TBC1D22A: variants seen among roughly 807,000 people sequenced by gnomAD.
TBC1D22A encodes putative GTPase activator.
Under a neutral mutation model 60.2 loss-of-function variants are expected in TBC1D22A, and 38 were observed. The ratio of observed to expected loss-of-function variants is 0.63; its 90% CI spans 0.49 to 0.83. The LOEUF (loss-of-function observed/expected upper bound fraction) is 0.83, where lower values mean the gene tolerates loss of function less well. Ranked by LOEUF, TBC1D22A falls within the 40% of genes least tolerant of loss-of-function variation. The probability of loss-of-function intolerance (pLI) is 0.00; values close to 1 mark genes in which losing one functional copy is unlikely to be tolerated. For missense variants in TBC1D22A, 628 were observed against 701.0 expected, an observed-to-expected ratio of 0.90 and a Z score of 1.18; for synonymous variants, 302 against 281.7, an observed-to-expected ratio of 1.07 and a Z score of -0.72.
chr22:46,868,428 C>T (rs149643652), intron 4 of TBC1D22A, among the ~76,000 whole-genome samples: 53 of 152,242 alleles, frequency 3.5e-4, no homozygotes, highest in African/African-American at 1.2e-3. Flanking sequence ...TAGGTCTCAT[C>T]CCCAAGATAT....
At chr22:47,088,292 C>T (rs925989363) in intron 11 of TBC1D22A, among the ~76,000 whole-genome samples, 1 of 152,026 alleles carries the variant, frequency 6.6e-6, no homozygotes, top group Non-Finnish European at 1.5e-5. Context: ...TGTTTGATGC[C>T]AGAAAATGTT....
At chr22:46,941,878 AATATGTATAGAAT>A (rs1406385147) in intron 8 of TBC1D22A, among the ~76,000 whole-genome samples, 1 of 147,674 alleles carries the variant, frequency 6.8e-6, no homozygotes, top group Admixed American at 6.8e-5. Flanking sequence ...ATGTGTATAG[AATATGTATAGAAT>A]ATATGTATAT....
intron 11 of TBC1D22A, among the ~76,000 whole-genome samples, chr22:47,044,082 C>T (rs1045248713): frequency 3.6e-5 from 4 of 111,206 alleles, no homozygotes; most frequent in African/African-American, 1.1e-4. Flanking sequence ...TCGCTGAGGC[C>T]GTGCTGCCTG....
chr22:47,075,717 A>G (rs950240965), intron 11 of TBC1D22A, among the ~76,000 whole-genome samples: 1 of 152,228 alleles, frequency 6.6e-6, no homozygotes, highest in African/African-American at 2.4e-5. Flanking sequence ...TTATTTAAAT[A>G]AATGTAAATG....
intron 12 of TBC1D22A, among the ~76,000 whole-genome samples, chr22:47,120,391 C>T (rs1402867027): frequency 6.6e-6 from 1 of 152,212 alleles, no homozygotes; most frequent in East Asian, 1.9e-4. Flanking sequence ...GCGAAGGCTC[C>T]TTGTCCTCTC....
chr22:46,851,756 A>G (rs959551136), intron 4 of TBC1D22A, among the ~76,000 whole-genome samples: 10 of 152,258 alleles, frequency 6.6e-5, no homozygotes, highest in African/African-American at 2.2e-4. Flanking sequence ...AGTGACCTCC[A>G]TAGCTCTTTG....
At chr22:47,134,111 G>A (rs1279658982) in intron 12 of TBC1D22A, among the ~76,000 whole-genome samples, 1 of 152,196 alleles carries the variant, frequency 6.6e-6, no homozygotes, top group African/African-American at 2.4e-5. Context: ...CTCTTCCCTT[G>A]CACGTTTCTG....
chr22:46,922,875 A>G (rs1318589377), intron 8 of TBC1D22A, among the ~76,000 whole-genome samples: 1 of 152,142 alleles, frequency 6.6e-6, no homozygotes, highest in African/African-American at 2.4e-5. Flanking sequence ...TTGATTGCAA[A>G]CACTTTTATT....
chr22:46,913,592 T>G (rs1602455874), intron 8 of TBC1D22A: 3 of 1,161,890 alleles, frequency 2.6e-6, no homozygotes, highest in Non-Finnish European at 3.2e-6. Flanking sequence ...CTCCTGAGGG[T>G]GCTTGCTTTT....
At position 46,893,010 on chromosome 22, in the gene TBC1D22A, G is replaced by A. The variant is rs557585372; in HGVS notation, c.837+1616G>A. On this transcript the variant is annotated intron_variant, in intron 6 of 12. Coordinates refer to ENST00000337137, the MANE Select transcript of TBC1D22A (RefSeq NM_014346.5). ...TCAGGCAGAGCTGGGCCCGGTGGGGGTTTGGAGACCTTGGTTTCTCCTTTA... is the reference window on the plus strand; with the variant it reads ...TCAGGCAGAGCTGGGCCCGGTGGGGATTTGGAGACCTTGGTTTCTCCTTTA... 5.9e-5 allele frequency among the ~76,000 whole-genome samples: 9 copies of A among 152,350 alleles called. No homozygotes were observed. In the South Asian group the frequency reaches 1.9e-3, roughly 32 times the overall value.
chr22:47,010,579 C>T lies in TBC1D22A; in HGVS notation c.1201+12870C>T, dbSNP rs769494849. Among the ~76,000 whole-genome samples, 11 of 152,292 alleles carry T rather than the reference C, an allele frequency of 7.2e-5. No homozygotes were observed. The East Asian group carries it at 2.1e-3, about 29-fold the overall frequency. On this transcript the variant is annotated intron_variant, in intron 10 of 12. Transcript: ENST00000337137. ...AGAGTCTTGGTCCCCTTCTGCTTAG[C>T]AGGTCTTCACAGTTGAACATGGCTG...
At chr22:46,941,579 CA>C (rs2072095366) in intron 8 of TBC1D22A, among the ~76,000 whole-genome samples, 2 of 137,998 alleles carry the variant, frequency 1.4e-5, no homozygotes, top group African/African-American at 5.3e-5. Context: ...AATATATATA[CA>C]GGGAATATAT....
chr22:47,116,090 C>T (rs911284180), intron 12 of TBC1D22A: 5 of 152,304 alleles, frequency 3.3e-5, no homozygotes, highest in African/African-American at 7.2e-5. Context: ...CCCATCCTCG[C>T]CAGCTTCCCC....
At chr22:47,163,174 G>A (rs980288161) in intron 12 of TBC1D22A, among the ~76,000 whole-genome samples, 7 of 152,076 alleles carry the variant, frequency 4.6e-5, no homozygotes, top group Non-Finnish European at 7.4e-5. Flanking sequence ...GCCCCTGGCT[G>A]CCCCACCCAG....
intron 11 of TBC1D22A, among the ~76,000 whole-genome samples, chr22:47,095,455 G>T (rs2065135372): frequency 6.6e-6 from 1 of 152,200 alleles, no homozygotes; most frequent in Admixed American, 6.5e-5. Flanking sequence ...TTGTTTCTTT[G>T]CCTTAGTTCC....
At chr22:47,105,109 C>G (rs899952126) in intron 11 of TBC1D22A, among the ~76,000 whole-genome samples, 1 of 151,924 alleles carries the variant, frequency 6.6e-6, no homozygotes, top group Admixed American at 6.6e-5. Context: ...CAGAATAAAT[C>G]TCTTTAAATA....
At chr22:46,899,973 G>A (rs1431039933) in intron 7 of TBC1D22A, among the ~76,000 whole-genome samples, 2 of 152,016 alleles carry the variant, frequency 1.3e-5, no homozygotes, top group Non-Finnish European at 2.9e-5. Flanking sequence ...TGCATCTATC[G>A]AAACATTTGC....
chr22:47,056,312 C>T (rs547050345), intron 11 of TBC1D22A, among the ~76,000 whole-genome samples: 3 of 152,078 alleles, frequency 2.0e-5, no homozygotes, highest in Non-Finnish European at 2.9e-5. Context: ...CTCCTCCGGC[C>T]GGGTGCTTGT....
intron 11 of TBC1D22A, among the ~76,000 whole-genome samples, chr22:47,063,444 C>T (rs2063649300): frequency 6.6e-6 from 1 of 152,160 alleles, no homozygotes; most frequent in South Asian, 2.1e-4. Flanking sequence ...ATGGAGAGGA[C>T]AGCCTGCAGA....
Sources: gnomAD v4.1 joint callset for allele counts (sites outside exome capture counted in the v4.1 genomes callset) on GRCh38, gnomAD v4.1.1 for gene constraint, MANE v1.5 for transcripts, NCBI Gene and HGNC (gene_info 2026-07-23, HGNC 2026-07-21) for gene names.